CNTN4: variants seen among roughly 807,000 people sequenced by gnomAD.
CNTN4 encodes contactin-4.
In CNTN4, 77 loss-of-function variants were observed where a neutral mutation model predicts 122.5. That is an observed-to-expected ratio of 0.63 (90% CI 0.52 to 0.76). The LOEUF (loss-of-function observed/expected upper bound fraction) is 0.76. Among genes scored for constraint, CNTN4 ranks in the 30% least tolerant of loss-of-function variants. The pLI is 0.00. For missense variants in CNTN4, 1,256 were observed against 1,259.1 expected, an observed-to-expected ratio of 1.00 and a Z score of 0.04; for synonymous variants, 512 against 447.0, an observed-to-expected ratio of 1.15 and a Z score of -1.83.
intron 13 of CNTN4, among the ~76,000 whole-genome samples, chr3:2,948,484 C>T (rs1227103893): frequency 6.6e-6 from 1 of 152,204 alleles, no homozygotes; most frequent in South Asian, 2.1e-4. Context: ...TTTATTGACC[C>T]TCCATTGCAT....
chr3:2,258,534 C>G (rs1000617959), intron 2 of CNTN4, among the ~76,000 whole-genome samples: 13 of 151,988 alleles, frequency 8.6e-5, no homozygotes, highest in African/African-American at 3.1e-4. Flanking sequence ...CTTAAGAAAA[C>G]AACTGGATAA....
At position 2,401,138 on chromosome 3, in the gene CNTN4, A is replaced by G. The variant is rs143827365; in HGVS notation, c.-89+61905A>G. Among the ~76,000 whole-genome samples the G allele has an allele frequency of 1.6e-3, 245 of 152,296 alleles. 3 individuals carry two copies. Among genetic ancestry groups the G allele is most frequent in the African/African-American group, 5.3e-3 (222 of 41,578 alleles). On this transcript the variant is annotated intron_variant, in intron 3 of 24. Transcript: ENST00000418658. Reference sequence around the variant, plus strand: ...TATTTTCCAAATTTGACAAAATTGCAATTAAGAATTGCTTCTTAGTAGACT... The same window carrying G: ...TATTTTCCAAATTTGACAAAATTGCGATTAAGAATTGCTTCTTAGTAGACT...
intron 3 of CNTN4, among the ~76,000 whole-genome samples, chr3:2,450,367 AAAATAAATAAAT>A (rs56349378): frequency 6.7e-5 from 10 of 148,524 alleles, no homozygotes; most frequent in Admixed American, 1.3e-4. Flanking sequence ...ACTCTGTCTC[AAAATAAATAAAT>A]AAATAAATAA....
intron 2 of CNTN4, among the ~76,000 whole-genome samples, chr3:2,265,620 G>C (rs1221834019): frequency 4.6e-5 from 7 of 152,026 alleles, no homozygotes; most frequent in Non-Finnish European, 1.0e-4. Flanking sequence ...TTGGTATTTT[G>C]ATGAGGATTG....
At chr3:2,766,143 C>T (rs2090848521) in intron 6 of CNTN4, among the ~76,000 whole-genome samples, 1 of 152,164 alleles carries the variant, frequency 6.6e-6, no homozygotes, top group South Asian at 2.1e-4. Context: ...TAAATATCAC[C>T]TGTCTCTGCC....
chr3:2,144,749 A>C (rs1440767230), intron 2 of CNTN4, among the ~76,000 whole-genome samples: 1 of 152,242 alleles, frequency 6.6e-6, no homozygotes, highest in Non-Finnish European at 1.5e-5. Context: ...TCATCAATTA[A>C]GTTTATTGAA....
At chr3:2,160,775 G>A (rs758771780) in intron 2 of CNTN4, among the ~76,000 whole-genome samples, 3 of 152,076 alleles carry the variant, frequency 2.0e-5, no homozygotes, top group Non-Finnish European at 4.4e-5. Context: ...AATGTATACG[G>A]TGCGTATTAT....
intron 7 of CNTN4, among the ~76,000 whole-genome samples, chr3:2,820,731 G>A (rs1229292588): frequency 6.6e-6 from 1 of 151,624 alleles, no homozygotes; most frequent in Non-Finnish European, 1.5e-5. Context: ...ATATCACTCA[G>A]GAAATTACAA....
intron 4 of CNTN4, among the ~76,000 whole-genome samples, chr3:2,668,647 G>C (rs2084315374): frequency 1.3e-5 from 2 of 152,156 alleles, no homozygotes; most frequent in South Asian, 4.1e-4. Context: ...GGAGTGGTGA[G>C]AGAGGGCATC....
chr3:2,921,613 C>G (rs1559669614), intron 12 of CNTN4, among the ~76,000 whole-genome samples: 1 of 152,170 alleles, frequency 6.6e-6, no homozygotes, highest in Non-Finnish European at 1.5e-5. Flanking sequence ...AAAAGCTGGC[C>G]TTAATATTCT....
chr3:2,581,604 T>G (rs1177541461), intron 4 of CNTN4, among the ~76,000 whole-genome samples: 3 of 152,176 alleles, frequency 2.0e-5, no homozygotes, highest in Non-Finnish European at 2.9e-5. Flanking sequence ...AGTCTTGTAT[T>G]TAGAAAAAAC....
At chr3:2,217,408 C>A (rs2038890548) in intron 2 of CNTN4, among the ~76,000 whole-genome samples, 1 of 152,150 alleles carries the variant, frequency 6.6e-6, no homozygotes. Context: ...CATTAAAGAA[C>A]AAGATTTATT....
chr3:2,666,698 T>A (rs1396913062), intron 4 of CNTN4, among the ~76,000 whole-genome samples: 1 of 151,626 alleles, frequency 6.6e-6, no homozygotes, highest in African/African-American at 2.4e-5. Context: ...CACCCATTAA[T>A]TCCTCCTTTA....
chr3:2,736,725 A>G (rs1428638609), intron 5 of CNTN4, among the ~76,000 whole-genome samples: 2 of 151,892 alleles, frequency 1.3e-5, no homozygotes, highest in Non-Finnish European at 2.9e-5. Context: ...AGCCTCCCAA[A>G]GTGCTGGGAT....
At chr3:3,037,057 C>A in intron 17 of CNTN4, 122 bp from the exon 18 acceptor site, 1 of 1,145,230 alleles carries the variant, frequency 8.7e-7, no homozygotes, top group Non-Finnish European at 1.3e-6. Context: ...TATCAGAACA[C>A]CTACACTGCC....
At chr3:2,191,636 C>G (rs986759948) in intron 2 of CNTN4, among the ~76,000 whole-genome samples, 2 of 151,844 alleles carry the variant, frequency 1.3e-5, no homozygotes, top group African/African-American at 4.8e-5. Context: ...GTTCAGGCCC[C>G]AACTGCCTAC....
chr3:2,585,952 T>C (rs971409202), intron 4 of CNTN4, among the ~76,000 whole-genome samples: 8 of 152,078 alleles, frequency 5.3e-5, no homozygotes, highest in African/African-American at 1.9e-4. Context: ...ATGTGACTTT[T>C]ATCATATATT....
chr3:3,055,255 T>C (rs1701677316), intron 24 of CNTN4, among the ~76,000 whole-genome samples: 3 of 60,330 alleles, frequency 5.0e-5, no homozygotes, highest in African/African-American at 1.4e-4. Flanking sequence ...AAATACAAGA[T>C]TGGGGCTTAT....
intron 2 of CNTN4, among the ~76,000 whole-genome samples, chr3:2,254,672 G>C (rs1575181932): frequency 6.6e-6 from 1 of 152,240 alleles, no homozygotes; most frequent in Non-Finnish European, 1.5e-5. Flanking sequence ...ATGTTTCTTG[G>C]CTGCATAAAT....
Sources: allele counts gnomAD v4.1 joint callset (sites outside exome capture counted in the v4.1 genomes callset), GRCh38; gene constraint gnomAD v4.1.1; transcripts MANE v1.5; gene names NCBI Gene and HGNC (gene_info 2026-07-23, HGNC 2026-07-21).